The following RBPJ variants were observed in gnomAD, a reference collection of about 807,000 sequenced individuals.
RBPJ encodes recombining binding protein suppressor of hairless.
RBPJ carries 9 observed loss-of-function variants against 67.8 expected under a neutral mutation model. That is an observed-to-expected ratio of 0.13 (90% confidence interval 0.08 to 0.23). The LOEUF (loss-of-function observed/expected upper bound fraction) is 0.23. RBPJ is among the 10% of genes least tolerant of loss of function. The pLI is 1.00. For missense variants in RBPJ, 305 were observed against 595.6 expected, an observed-to-expected ratio of 0.51 and a Z score of 5.08; for synonymous variants, 198 against 203.3, an observed-to-expected ratio of 0.97 and a Z score of 0.22.
At chr4:26,173,223 T>C (rs1716660178) in intron 1 of RBPJ, among the ~76,000 whole-genome samples, 1 of 151,938 alleles carries the variant, frequency 6.6e-6, no homozygotes, top group Non-Finnish European at 1.5e-5. Flanking sequence ...GCAACCTCCA[T>C]CTCCCAGGTT....
the RBPJ span, among the ~76,000 whole-genome samples, chr4:26,138,165 G>C: frequency 6.6e-6 from 1 of 152,182 alleles, no homozygotes. Context: ...GAGAAACATG[G>C]CCTTGGTGAC....
upstream of RBPJ, among the ~76,000 whole-genome samples, chr4:26,161,981 T>A (rs918086425): frequency 6.6e-6 from 1 of 152,240 alleles, no homozygotes; most frequent in African/African-American, 2.4e-5. Flanking sequence ...TCTAGCCCCA[T>A]CTGGGTGAAC....
intron 1 of RBPJ, among the ~76,000 whole-genome samples, chr4:26,191,198 TATATATATATATAGAG>T (rs1407730568): frequency 1.2e-3 from 36 of 28,968 alleles, no homozygotes; most frequent in South Asian, 3.1e-3. Context: ...TATATATATA[TATATATATATATAGAG>T]AGAGAGAGAG....
In RBPJ at chr4:26,431,162, A is replaced by T; in HGVS notation, c.*155A>T. On this transcript the variant is annotated 3_prime_UTR_variant, in exon 11 of 11. Transcript: ENST00000355476. ...CCCCGTTGTCTCCCTGCAAGTGCTG[A>T]TTTGAAATGCAGAAGCCACAGTAAA... The T allele has an allele frequency of 4.0e-5, 7 of 177,016 alleles. No individual in the cohort carries two copies. Among genetic ancestry groups the T allele is most frequent in the Non-Finnish European group, 5.8e-5 (5 of 85,930 alleles). 11.0% of individuals were successfully genotyped at this position (177,016 alleles called of 1,614,324 possible).
intron 1 of RBPJ, among the ~76,000 whole-genome samples, chr4:26,203,400 C>T (rs1718058869): frequency 6.6e-6 from 1 of 152,174 alleles, no homozygotes; most frequent in Admixed American, 6.5e-5. Context: ...CCTTCCCTGA[C>T]CACCCCACAT....
intron 1 of RBPJ, among the ~76,000 whole-genome samples, chr4:26,385,436 A>G (rs1378949623): frequency 1.3e-5 from 2 of 152,194 alleles, no homozygotes; most frequent in Non-Finnish European, 2.9e-5. Context: ...AAGTCAAGTA[A>G]CTTCAGGGTT....
At chr4:26,268,945 A>G (rs1259280616) in intron 1 of RBPJ, among the ~76,000 whole-genome samples, 1 of 152,232 alleles carries the variant, frequency 6.6e-6, no homozygotes, top group Non-Finnish European at 1.5e-5. Context: ...ATACTCTATG[A>G]TTTCATAATG....
At chr4:26,188,179 A>G (rs966654854) in intron 1 of RBPJ, among the ~76,000 whole-genome samples, 1 of 152,192 alleles carries the variant, frequency 6.6e-6, no homozygotes, top group Admixed American at 6.5e-5. Context: ...ACTGCACTCC[A>G]GCCTGGACGA....
chr4:26,268,209 T>C (rs1025162395), intron 1 of RBPJ, among the ~76,000 whole-genome samples: 1 of 152,096 alleles, frequency 6.6e-6, no homozygotes, highest in Non-Finnish European at 1.5e-5. Flanking sequence ...TTCAACCAAG[T>C]CAGAAAACCA....
At chr4:26,287,834 A>G (rs1198456667) in intron 1 of RBPJ, among the ~76,000 whole-genome samples, 1 of 151,780 alleles carries the variant, frequency 6.6e-6, no homozygotes, top group Non-Finnish European at 1.5e-5. Flanking sequence ...AGAAGGAGAA[A>G]GAAGAACTCC....
Position 26,391,475 on chromosome 4 carries a change from A to G in RBPJ, c.59+5084A>G, listed in dbSNP as rs2109663414. Among the ~76,000 whole-genome samples, 2 of 152,304 alleles carry G rather than the reference A, an allele frequency of 1.3e-5. 1 individual carries two copies. Among genetic ancestry groups the G allele is most frequent in the South Asian group, 4.1e-4 (2 of 4,834 alleles). ...CCTTCAACCCACCCCCCACACACAA[A>G]GTAACTACAGTCTATACATAGTACC... On this transcript the variant is annotated intron_variant, in intron 2 of 10. Transcript: ENST00000355476.
chr4:26,160,847 TCAGA>T (rs1716064223), upstream of RBPJ, among the ~76,000 whole-genome samples: 1 of 152,200 alleles, frequency 6.6e-6, no homozygotes, highest in African/African-American at 2.4e-5. Context: ...AGGGATATTA[TCAGA>T]CAGATCCCAC....
the RBPJ span, among the ~76,000 whole-genome samples, chr4:26,128,089 GC>G: frequency 6.6e-6 from 1 of 152,230 alleles, no homozygotes; most frequent in Non-Finnish European, 1.5e-5. Flanking sequence ...AACAGCAGCA[GC>G]CAGGCCAAGG....
intron 1 of RBPJ, among the ~76,000 whole-genome samples, chr4:26,244,713 T>G (rs1719869161): frequency 6.6e-6 from 1 of 151,998 alleles, no homozygotes; most frequent in Non-Finnish European, 1.5e-5. Context: ...CTGCAACCTC[T>G]GCCTCCCAGG....
At chr4:26,309,672 T>G (rs983028626) in intron 1 of RBPJ, among the ~76,000 whole-genome samples, 1 of 152,190 alleles carries the variant, frequency 6.6e-6, no homozygotes, top group African/African-American at 2.4e-5. Context: ...ATTGGCTTAT[T>G]ACAGAACCCA....
chr4:26,192,477 C>G (rs1426054264), intron 1 of RBPJ, among the ~76,000 whole-genome samples: 1 of 152,150 alleles, frequency 6.6e-6, no homozygotes, highest in East Asian at 1.9e-4. Flanking sequence ...AATCACAGAA[C>G]AAAAGGATTA....
chr4:26,166,750 G>A (rs150069691), intron 1 of RBPJ, among the ~76,000 whole-genome samples: 1,994 of 152,160 alleles, frequency 0.013, 51 homozygotes, highest in African/African-American at 0.046. Context: ...ATTTTGGCTC[G>A]TTGCCATTCC....
intron 1 of RBPJ, among the ~76,000 whole-genome samples, chr4:26,290,311 C>A (rs1298295006): frequency 2.3e-5 from 3 of 129,608 alleles, no homozygotes; most frequent in African/African-American, 5.3e-5. Flanking sequence ...AGAACGAGAC[C>A]CTGTCTAAAA....
intron 2 of RBPJ, among the ~76,000 whole-genome samples, chr4:26,388,080 CAAGA>C (rs1234182778): frequency 6.6e-6 from 1 of 152,064 alleles, no homozygotes; most frequent in Non-Finnish European, 1.5e-5. Context: ...ATATCCATAA[CAAGA>C]AAAATCAGTG....
Sources: gnomAD v4.1 joint callset for allele counts (sites outside exome capture counted in the v4.1 genomes callset) on GRCh38, gnomAD v4.1.1 for gene constraint, MANE v1.5 for transcripts, NCBI Gene and HGNC (gene_info 2026-07-23, HGNC 2026-07-21) for gene names.